The following VGLL4 variants were observed in gnomAD, a reference collection of about 807,000 sequenced individuals.
VGLL4 encodes the protein transcription cofactor vestigial-like protein 4.
VGLL4 carries 7 observed loss-of-function variants against 21.0 expected under a neutral mutation model. That is an observed-to-expected ratio of 0.33 (90% CI 0.19 to 0.63). The LOEUF is 0.63. VGLL4 is among the 20% of genes least tolerant of loss of function. The pLI, the probability that VGLL4 is intolerant of heterozygous loss-of-function variation, is 0.78. For missense variants in VGLL4, 394 were observed against 425.7 expected (o/e 0.93, Z 0.66); for synonymous variants, 222 against 173.2 (o/e 1.28, Z -2.21).
chr3:11,652,911 T>C (rs2075897869), intron 2 of VGLL4, among the ~76,000 whole-genome samples: 1 of 152,176 alleles, frequency 6.6e-6, no homozygotes, highest in African/African-American at 2.4e-5. Context: ...TACAACCAAT[T>C]TAGGTTCAGT....
chr3:11,712,642 C>A (rs1456691721), intron 1 of VGLL4, among the ~76,000 whole-genome samples: 4 of 151,916 alleles, frequency 2.6e-5, no homozygotes, highest in Non-Finnish European at 4.4e-5. Flanking sequence ...GAATTCAAGT[C>A]TCTCAATTCT....
At chr3:11,675,061 G>C (rs2076270468) in intron 2 of VGLL4, among the ~76,000 whole-genome samples, 6 of 152,196 alleles carry the variant, frequency 3.9e-5, no homozygotes, top group Admixed American at 3.9e-4. Context: ...TGCAACATAG[G>C]CTGGGCGCAG....
chr3:11,671,424 T>G (rs751650503), intron 2 of VGLL4: 2 of 785,590 alleles, frequency 2.5e-6, no homozygotes, highest in South Asian at 2.7e-5. Context: ...AACAAAGAGG[T>G]AGAAAACACA....
upstream of VGLL4, among the ~76,000 whole-genome samples, chr3:11,647,576 A>G (rs1364627516): frequency 6.6e-6 from 1 of 152,172 alleles, no homozygotes; most frequent in Non-Finnish European, 1.5e-5. Flanking sequence ...CTCCAATATG[A>G]GCATTTTCAC....
At chr3:11,721,511 A>T (rs909630809), upstream of VGLL4, among the ~76,000 whole-genome samples, 1 of 152,192 alleles carries the variant, frequency 6.6e-6, no homozygotes, top group Non-Finnish European at 1.5e-5. Flanking sequence ...CTGGATAAAT[A>T]TTCACAGATT....
chr3:11,588,534 T>A (rs183163757), intron 2 of VGLL4, among the ~76,000 whole-genome samples: 15 of 152,228 alleles, frequency 9.9e-5, no homozygotes, highest in Admixed American at 5.2e-4. Context: ...CAAGCAGAGA[T>A]GAATACTTCA....
intron 2 of VGLL4, among the ~76,000 whole-genome samples, chr3:11,580,265 T>C (rs2074188166): frequency 6.6e-6 from 1 of 152,192 alleles, no homozygotes; most frequent in African/African-American, 2.4e-5. Flanking sequence ...TCATACAACA[T>C]TTGTCTTTCC....
At chr3:11,610,183 C>T (rs2075031361) in intron 1 of VGLL4, 1 of 152,312 alleles carries the variant, frequency 6.6e-6, no homozygotes, top group Admixed American at 6.5e-5. Context: ...CTCCCAGATT[C>T]CACGCCCCTC....
intron 2 of VGLL4, among the ~76,000 whole-genome samples, chr3:11,595,986 T>C (rs2074631349): frequency 6.6e-6 from 1 of 151,080 alleles, no homozygotes; most frequent in South Asian, 2.1e-4. Flanking sequence ...AGTATAATAA[T>C]AATAAAATAA....
intron 2 of VGLL4, among the ~76,000 whole-genome samples, chr3:11,570,070 C>T (rs2073711650): frequency 6.6e-6 from 1 of 152,108 alleles, no homozygotes; most frequent in African/African-American, 2.4e-5. Context: ...CCAACCTTTA[C>T]CTGCTGCCCC....
chr3:11,604,579 A>G (rs1364672240), intron 1 of VGLL4: 1 of 914,170 alleles, frequency 1.1e-6, no homozygotes, highest in Non-Finnish European at 1.3e-6. Flanking sequence ...TGGGGTTAAA[A>G]TTATTTTTGT....
intron 2 of VGLL4, among the ~76,000 whole-genome samples, chr3:11,685,607 A>G (rs2076435612): frequency 6.6e-6 from 1 of 152,194 alleles, no homozygotes; most frequent in Non-Finnish European, 1.5e-5. Flanking sequence ...TGGTAAAATG[A>G]TTTATATTCC....
At chr3:11,680,109 T>C (rs974511501) in intron 2 of VGLL4, among the ~76,000 whole-genome samples, 17 of 152,352 alleles carry the variant, frequency 1.1e-4, no homozygotes, top group Non-Finnish European at 1.5e-4. Context: ...CACAGTATCC[T>C]GTGCAGTTGC....
At position 11,569,397 on chromosome 3, in the gene VGLL4, G is replaced by C. The variant is rs576931606; in HGVS notation, c.273-4378C>G. On this transcript the variant is annotated intron_variant, in intron 2 of 4. Transcript: ENST00000430365. ...GGCATGGCAGGTGCTCCCACCCAGT[G>C]AAAGAGATGAGGCCCAGGGCAGCCT... Among the ~76,000 whole-genome samples, 189 of 152,332 alleles carry C rather than the reference G, an allele frequency of 1.2e-3. 1 individual carries two copies. The highest frequency in any genetic ancestry group is 4.3e-3 in the African/African-American group (179 of 41,582).
At chr3:11,560,990 C>A (rs2072937139) in intron 3 of VGLL4, among the ~76,000 whole-genome samples, 1 of 152,032 alleles carries the variant, frequency 6.6e-6, no homozygotes, top group African/African-American at 2.4e-5. Context: ...GGTCAAGCAG[C>A]AGCAAGAGAG....
chr3:11,677,036 A>G (rs1223171766), intron 2 of VGLL4, among the ~76,000 whole-genome samples: 1 of 152,232 alleles, frequency 6.6e-6, no homozygotes, highest in Non-Finnish European at 1.5e-5. Flanking sequence ...CAACACATGC[A>G]TTTATGGCAG....
At chr3:11,676,528 A>C (rs2076295174) in intron 2 of VGLL4, among the ~76,000 whole-genome samples, 1 of 151,882 alleles carries the variant, frequency 6.6e-6, no homozygotes, top group Non-Finnish European at 1.5e-5. Flanking sequence ...TATTTCATCT[A>C]CTGAATCACA....
At chr3:11,580,620 T>C (rs1262192186) in intron 2 of VGLL4, among the ~76,000 whole-genome samples, 3 of 152,226 alleles carry the variant, frequency 2.0e-5, no homozygotes, top group African/African-American at 7.2e-5. Context: ...CGTTTGGCCC[T>C]CTCTACTAGA....
At chr3:11,680,531 C>G in intron 2 of VGLL4, among the ~76,000 whole-genome samples, 1 of 152,146 alleles carries the variant, frequency 6.6e-6, no homozygotes, top group East Asian at 1.9e-4. Context: ...AACACAAGGT[C>G]CAGTAACACA....
Sources: gnomAD v4.1 joint callset for allele counts (sites outside exome capture counted in the v4.1 genomes callset) on GRCh38, gnomAD v4.1.1 for gene constraint, MANE v1.5 for transcripts, NCBI Gene and HGNC (gene_info 2026-07-23, HGNC 2026-07-21) for gene names.